Variants in CDH4 observed in about 807,000 individuals in gnomAD.
CDH4 encodes the protein cadherin 4.
CDH4 carries 33 observed loss-of-function variants against 86.0 expected under a neutral mutation model. That is an observed-to-expected ratio of 0.38 (90% confidence interval 0.29 to 0.51). The LOEUF (loss-of-function observed/expected upper bound fraction) is 0.51, where lower values mean the gene tolerates loss of function less well. CDH4 is among the 20% of genes least tolerant of loss of function. The pLI is 0.86. For missense variants in CDH4, 1,114 were observed against 1,307.4 expected (o/e 0.85, Z 2.28); for synonymous variants, 555 against 549.4 (o/e 1.01, Z -0.14).
At chr20:61,689,852 G>A (rs2087632882) in intron 2 of CDH4, among the ~76,000 whole-genome samples, 1 of 147,142 alleles carries the variant, frequency 6.8e-6, no homozygotes, top group Admixed American at 6.6e-5. Context: ...GACGGTGGTT[G>A]GTGAGGTGAT....
Position 61,252,624 on chromosome 20 carries a change from C to G in CDH4, c.57+54C>G. 2 of 1,093,826 alleles carry G rather than the reference C, an allele frequency of 1.8e-6. No individual in the cohort carries two copies. Among genetic ancestry groups the G allele is most frequent in the Non-Finnish European group, 2.3e-6 (2 of 872,152 alleles). The allele number at this position is 1,093,826 out of a possible 1,614,324, so 67.8% of individuals were successfully genotyped here. A position where few individuals can be genotyped will look rare whatever the true frequency, so the allele number is the denominator to read the frequency against. On this transcript the variant is annotated intron_variant, in intron 1 of 15. Transcript: ENST00000614565. This position sits in a 1 kb window ranked among gnomAD's most constrained non-coding sequence, Gnocchi z 4.4. ...TCGGAAGCCCCGGGCAGCGGGAGGT[C>G]GTCCCCGGATCCCGCGGGGCGCTCA...
chr20:61,452,738 T>A (rs75513473), intron 2 of CDH4, among the ~76,000 whole-genome samples: 8,945 of 152,298 alleles, frequency 0.059, 696 homozygotes, highest in African/African-American at 0.18. Context: ...CATTTTTTTT[T>A]ATGTGTAAAG....
chr20:61,662,903 T>A (rs115749282), intron 2 of CDH4, among the ~76,000 whole-genome samples: 2,171 of 151,888 alleles, frequency 0.014, 46 homozygotes, highest in African/African-American at 0.049. Context: ...GGGACACAGG[T>A]CCAGCAGAGG....
intron 6 of CDH4, among the ~76,000 whole-genome samples, chr20:61,869,722 C>A (rs1983715133): frequency 6.6e-6 from 1 of 152,236 alleles, no homozygotes; most frequent in Non-Finnish European, 1.5e-5. Flanking sequence ...GGGCTTAGTC[C>A]TCCTCCCTAC....
intron 2 of CDH4, among the ~76,000 whole-genome samples, chr20:61,356,761 T>G (rs2084752827): frequency 1.3e-5 from 2 of 152,260 alleles, no homozygotes; most frequent in South Asian, 4.1e-4. Flanking sequence ...GAAAATATTC[T>G]GTTTTTAAAA....
At position 61,929,836 on chromosome 20, in the gene CDH4, C is replaced by T; in HGVS notation, c.2233C>T (p.Leu745=). Residue 745 remains leucine, a synonymous_variant, in exon 13 of 16, where the codon CTG becomes TTG. Coordinates refer to ENST00000614565, the MANE Select transcript of CDH4 (RefSeq NM_001794.5). ...IVAILICILI[L]LTMVLLFVMW... ...GGCCATCCTCATCTGCATCCTCATC[C>T]TGCTGAGTGAGTGTGGCTGAGCACC... The T allele has an allele frequency of 6.2e-7, 1 of 1,613,200 alleles. No individual in the cohort carries two copies. Among genetic ancestry groups the T allele is most frequent in the Non-Finnish European group, 8.5e-7 (1 of 1,179,372 alleles).
At chr20:61,590,214 A>G (rs2145730783) in intron 2 of CDH4, among the ~76,000 whole-genome samples, 1 of 152,194 alleles carries the variant, frequency 6.6e-6, no homozygotes, top group Non-Finnish European at 1.5e-5. Context: ...GGAGATCCCC[A>G]GAGACAGGAA....
rs34309371 is a variant in CDH4, at chr20:61,534,665, C to CTTTTT, written c.170-208880_170-208876dup. ...CTTTCTTTCTTTTCTTTCTTTCTTT[C>CTTTTT]TTTTTTTTTTTTTTTTTTTTTTGAG... On this transcript the variant is annotated intron_variant, in intron 2 of 15. Coordinates refer to ENST00000614565, the MANE Select transcript of CDH4 (RefSeq NM_001794.5). Among the ~76,000 whole-genome samples the CTTTTT allele has an allele frequency of 2.8e-3, 216 of 76,026 alleles. 6 individuals carry two copies. Among genetic ancestry groups the CTTTTT allele is most frequent in the African/African-American group, 7.5e-3 (70 of 9,314 alleles). 49.9% of individuals were successfully genotyped at this position (76,026 alleles called of 152,430 possible). A position where few individuals can be genotyped will look rare whatever the true frequency, so the allele number is the denominator to read the frequency against.
chr20:61,722,815 G>A (rs754896330), intron 2 of CDH4, among the ~76,000 whole-genome samples: 12 of 152,148 alleles, frequency 7.9e-5, no homozygotes, highest in East Asian at 1.9e-4. Context: ...TGGGGGTCCC[G>A]TGATCACCTC....
intron 15 of CDH4, 133 bp downstream of exon 15, chr20:61,934,353 C>T (rs1744695713): frequency 5.3e-6 from 5 of 935,378 alleles, no homozygotes; most frequent in South Asian, 1.9e-5. Context: ...GACCCGGGTT[C>T]CAGGCCCTGC....
At position 61,743,739 on chromosome 20, in the gene CDH4, G is replaced by T; in HGVS notation, c.346G>T (p.Val116Leu). 1 of 1,610,706 alleles carries T rather than the reference G, an allele frequency of 6.2e-7. No individual in the cohort carries two copies. The highest frequency in any genetic ancestry group is 8.5e-7 in the Non-Finnish European group (1 of 1,178,820). The change falls in exon 3 of 16, where the codon GTG (valine) becomes TTG (leucine). Residue 116 changes from valine (V) to leucine (L), a missense_variant. Val to Leu is a conservative substitution (Grantham distance 32). Around this residue, in one of 3 missense-constraint regions of CDH4, gnomAD observed 221 missense variants for 209.5 expected, o/e 1.05. Coordinates refer to ENST00000614565, the MANE Select transcript of CDH4 (RefSeq NM_001794.5). ...DSQTAEKWDA[V>L]VRLLVAQTSS... Reference sequence around the variant, plus strand: ...CCAGACAGCAGAGAAATGGGACGCCGTGGTGCGGTTGCTGGTGGCCCAGAC... The same window carrying T: ...CCAGACAGCAGAGAAATGGGACGCCTTGGTGCGGTTGCTGGTGGCCCAGAC...
chr20:61,916,244 C>A (rs1260837862), intron 9 of CDH4, among the ~76,000 whole-genome samples: 1 of 151,948 alleles, frequency 6.6e-6, no homozygotes, highest in African/African-American at 2.4e-5. Context: ...TGCAGGGACC[C>A]CATGGCCCAG....
At chr20:61,876,562 A>G (rs1984034172) in intron 7 of CDH4, among the ~76,000 whole-genome samples, 3 of 152,276 alleles carry the variant, frequency 2.0e-5, no homozygotes, top group South Asian at 2.1e-4. Context: ...GACGCAGTCC[A>G]TGAACACATC....
chr20:61,332,729 C>T (rs1384674932), intron 2 of CDH4, among the ~76,000 whole-genome samples: 1 of 152,232 alleles, frequency 6.6e-6, no homozygotes, highest in Non-Finnish European at 1.5e-5. Context: ...CTTCTCTTTG[C>T]TCTCCTGCTT....
chr20:61,307,095 T>C (rs1365823211), intron 2 of CDH4, among the ~76,000 whole-genome samples: 1 of 143,974 alleles, frequency 6.9e-6, no homozygotes, highest in African/African-American at 2.5e-5. Flanking sequence ...GAGCAGCGGC[T>C]CAGAGGGAGA....
intron 3 of CDH4, among the ~76,000 whole-genome samples, chr20:61,747,388 C>CAGTGAGCCG (rs1424234421): frequency 6.9e-6 from 1 of 145,424 alleles, no homozygotes; most frequent in African/African-American, 2.6e-5. Context: ...GCGGAGCTCG[C>CAGTGAGCCG]AGTGAGCCGA....
chr20:61,310,064 G>A (rs140801550), intron 2 of CDH4, among the ~76,000 whole-genome samples: 224 of 152,246 alleles, frequency 1.5e-3, no homozygotes, highest in Middle Eastern at 0.014. Context: ...TCCAAAGTTC[G>A]TGCCAGTTGG....
At chr20:61,564,446 T>C (rs920086183) in intron 2 of CDH4, among the ~76,000 whole-genome samples, 8 of 152,160 alleles carry the variant, frequency 5.3e-5, no homozygotes, top group Non-Finnish European at 7.4e-5. Flanking sequence ...CCCTCGGTGC[T>C]GAGTGAGTTC....
chr20:61,839,794 G>A (rs187587466), intron 4 of CDH4, among the ~76,000 whole-genome samples: 207 of 151,980 alleles, frequency 1.4e-3, no homozygotes, highest in African/African-American at 4.6e-3. Flanking sequence ...TATGTGTGCT[G>A]TGTGTGTATT....
Sources: gnomAD v4.1 joint callset for allele counts (sites outside exome capture counted in the v4.1 genomes callset) on GRCh38, gnomAD v4.1.1 for gene constraint, gnomAD v4.1.1 regional missense constraint, Gnocchi (gnomAD v3.1) non-coding constraint, MANE v1.5 for transcripts, NCBI Gene and HGNC (gene_info 2026-07-23, HGNC 2026-07-21) for gene names.